The following SORCS2 variants were observed in gnomAD, a reference collection of about 807,000 sequenced individuals.
The protein encoded by SORCS2 is VPS10 domain-containing receptor SorCS2.
A neutral mutation model predicts 141.6 loss-of-function variants in SORCS2; 100 were observed. The observed-to-expected ratio is 0.71, with a 90% CI of 0.60 to 0.83. The LOEUF (loss-of-function observed/expected upper bound fraction) is 0.83. Ranked by LOEUF, SORCS2 falls within the 40% of genes least tolerant of loss-of-function variation. The probability of loss-of-function intolerance (pLI) is 0.00; values close to 1 mark genes in which losing one functional copy is unlikely to be tolerated. For missense variants in SORCS2, 1,646 were observed against 1,560.2 expected, an observed-to-expected ratio of 1.05 and a Z score of -0.93; for synonymous variants, 789 against 676.9, an observed-to-expected ratio of 1.17 and a Z score of -2.57.
At chr4:7,434,364 G>A in intron 2 of SORCS2, 1 of 1,608,028 alleles carries the variant, frequency 6.2e-7, no homozygotes, top group African/African-American at 1.3e-5. Flanking sequence ...GGGGGTGGAA[G>A]GTAAGGGGCC....
At chr4:7,326,912 G>T (rs959661770) in intron 1 of SORCS2, among the ~76,000 whole-genome samples, 1 of 152,214 alleles carries the variant, frequency 6.6e-6, no homozygotes, top group Non-Finnish European at 1.5e-5. Context: ...CCCATTGATG[G>T]GCAGGCAGCG....
intron 1 of SORCS2, among the ~76,000 whole-genome samples, chr4:7,292,507 G>C (rs932088110): frequency 6.6e-6 from 1 of 152,308 alleles, no homozygotes; most frequent in South Asian, 2.1e-4. Flanking sequence ...GGCTTGGCCT[G>C]GGCAGGGAGA....
At chr4:7,241,414 C>T (rs1394424104) in intron 1 of SORCS2, among the ~76,000 whole-genome samples, 1 of 152,162 alleles carries the variant, frequency 6.6e-6, no homozygotes, top group African/African-American at 2.4e-5. Context: ...CTCCCAGTGG[C>T]CCTATAGACC....
chr4:7,495,805 G>A (rs1455610409), intron 2 of SORCS2, among the ~76,000 whole-genome samples: 1 of 152,216 alleles, frequency 6.6e-6, no homozygotes, highest in African/African-American at 2.4e-5. Flanking sequence ...AGTCTGAGCT[G>A]CGTGGTGACC....
Position 7,417,130 on chromosome 4 carries a change from C to G in SORCS2, c.548+20775C>G, listed in dbSNP as rs187929521. On this transcript the variant is annotated intron_variant, in intron 2 of 26. Transcript: ENST00000507866. ...CTTTGTTTTCTGTTATGTAGTAAAC[C>G]TCGCTTGAGTGTGCACTGAAGGATG... Among the ~76,000 whole-genome samples the G allele has an allele frequency of 3.1e-3, 479 of 152,292 alleles. 1 individual carries two copies. The highest frequency in any genetic ancestry group is 0.011 in the African/African-American group (446 of 41,568).
At chr4:7,511,936 T>C (rs1267276542) in intron 2 of SORCS2, among the ~76,000 whole-genome samples, 2 of 152,190 alleles carry the variant, frequency 1.3e-5, no homozygotes, top group Admixed American at 6.5e-5. Context: ...CTTTCTCCCT[T>C]TGCAGGTCCT....
At chr4:7,391,602 C>G (rs1026983287) in intron 1 of SORCS2, among the ~76,000 whole-genome samples, 1 of 152,096 alleles carries the variant, frequency 6.6e-6, no homozygotes, top group African/African-American at 2.4e-5. Context: ...GGAAGGGTAC[C>G]CTCAGTCCCT....
chr4:7,647,886 G>A (rs1224325837), intron 4 of SORCS2, among the ~76,000 whole-genome samples: 4 of 152,258 alleles, frequency 2.6e-5, no homozygotes, highest in Non-Finnish European at 4.4e-5. Context: ...TCTCGACTCT[G>A]AAGCGTGAAC....
chr4:7,520,066 G>A (rs1577688871), intron 2 of SORCS2, among the ~76,000 whole-genome samples: 1 of 152,232 alleles, frequency 6.6e-6, no homozygotes, highest in African/African-American at 2.4e-5. Context: ...CCCTGGTGAT[G>A]AGGGCCCTTG....
chr4:7,679,564 A>G (rs2108961108), intron 9 of SORCS2, among the ~76,000 whole-genome samples: 1 of 152,334 alleles, frequency 6.6e-6, no homozygotes, highest in East Asian at 1.9e-4. Context: ...GAGAGGCCCC[A>G]TGGAGACAGA....
At chr4:7,668,115 G>A (rs372809052) in intron 8 of SORCS2, among the ~76,000 whole-genome samples, 21 of 152,220 alleles carry the variant, frequency 1.4e-4, no homozygotes, top group Non-Finnish European at 2.1e-4. Flanking sequence ...AGGCCATGCT[G>A]TGAATCAGAA....
intron 3 of SORCS2, among the ~76,000 whole-genome samples, chr4:7,589,664 G>A (rs572051633): frequency 5.3e-5 from 8 of 152,210 alleles, no homozygotes; most frequent in African/African-American, 1.9e-4. Context: ...GCCTCCCAAA[G>A]TGCTGGGATT....
intron 6 of SORCS2, among the ~76,000 whole-genome samples, chr4:7,662,438 C>T (rs909254794): frequency 1.3e-5 from 2 of 152,158 alleles, no homozygotes; most frequent in South Asian, 2.1e-4. Context: ...CTGCCAGCCA[C>T]CTCTGCTGGG....
intron 8 of SORCS2, among the ~76,000 whole-genome samples, chr4:7,671,513 G>GA (rs975343225): frequency 3.3e-5 from 5 of 151,772 alleles, no homozygotes; most frequent in African/African-American, 1.2e-4. Context: ...TAAAGAGATA[G>GA]AAAAAATAAA....
At position 7,712,720 on chromosome 4, in the gene SORCS2, C is replaced by T; in HGVS notation, c.1869-13C>T. 1 of 1,613,954 alleles carries T rather than the reference C, an allele frequency of 6.2e-7. No homozygotes were observed. Among genetic ancestry groups the T allele is most frequent in the Non-Finnish European group, 8.5e-7 (1 of 1,179,842 alleles). On this transcript the variant is annotated splice_polypyrimidine_tract_variant and intron_variant, in intron 14 of 26. Transcript: ENST00000507866. ...GGTGGTTTTCTCTCCCTTCCCTCCT[C>T]TTCCCACCCCAGGGTCTTTGGCCAC...
At chr4:7,381,322 A>ACGGAGCACAGAGCTGGAGGG (rs772907975) in intron 1 of SORCS2, among the ~76,000 whole-genome samples, 1 of 152,168 alleles carries the variant, frequency 6.6e-6, no homozygotes, top group African/African-American at 2.4e-5. Flanking sequence ...AGTGAGACAC[A>ACGGAGCACAGAGCTGGAGGG]CGGAGCACAG....
chr4:7,616,202 C>A (rs1383826354), intron 3 of SORCS2, among the ~76,000 whole-genome samples: 1 of 152,090 alleles, frequency 6.6e-6, no homozygotes, highest in Non-Finnish European at 1.5e-5. Context: ...CAAATAATTA[C>A]CTTCATCTGG....
intron 1 of SORCS2, among the ~76,000 whole-genome samples, chr4:7,335,318 A>G: frequency 6.6e-6 from 1 of 152,184 alleles, no homozygotes; most frequent in African/African-American, 2.4e-5. Flanking sequence ...AAAAAGAGAA[A>G]GTGTTTCTGT....
chr4:7,417,360 A>G (rs1725767278), intron 2 of SORCS2, among the ~76,000 whole-genome samples: 1 of 152,194 alleles, frequency 6.6e-6, no homozygotes, highest in African/African-American at 2.4e-5. Context: ...GGGAGCTGAC[A>G]GGATTGCATA....
Sources: gnomAD v4.1 joint callset for allele counts (sites outside exome capture counted in the v4.1 genomes callset) on GRCh38, gnomAD v4.1.1 for gene constraint, MANE v1.5 for transcripts, NCBI Gene and HGNC (gene_info 2026-07-23, HGNC 2026-07-21) for gene names.